Variants in NR3C1 observed in about 807,000 individuals in gnomAD.
NR3C1 encodes the protein glucocorticoid receptor.
Under a neutral mutation model 74.0 loss-of-function variants are expected in NR3C1, and 14 were observed. That is an observed-to-expected ratio of 0.19 (90% confidence interval 0.12 to 0.30). The LOEUF (loss-of-function observed/expected upper bound fraction) is 0.30. Among genes scored for constraint, NR3C1 ranks in the 10% least tolerant of loss-of-function variants. The pLI is 1.00. For missense variants in NR3C1, 695 were observed against 909.8 expected (o/e 0.76, Z 3.04); for synonymous variants, 308 against 332.5 (o/e 0.93, Z 0.80).
chr5:143,370,221 A>T (rs1238678799), intron 2 of NR3C1, among the ~76,000 whole-genome samples: 1 of 152,178 alleles, frequency 6.6e-6, no homozygotes, highest in African/African-American at 2.4e-5. Flanking sequence ...TCAGAAACAC[A>T]TTGAGGGATG....
At chr5:143,432,646 A>G (rs1460431594) in intron 1 of NR3C1, among the ~76,000 whole-genome samples, 1 of 152,254 alleles carries the variant, frequency 6.6e-6, no homozygotes, top group Non-Finnish European at 1.5e-5. Context: ...CAAAGGGGCT[A>G]TTAAAGCGTA....
chr5:143,333,693 A>T (rs1826492335), intron 2 of NR3C1, among the ~76,000 whole-genome samples: 1 of 152,118 alleles, frequency 6.6e-6, no homozygotes, highest in South Asian at 2.1e-4. Flanking sequence ...GCTTGAACCC[A>T]GGAGGCAGAG....
At chr5:143,299,174 C>T (rs997132829) in intron 5 of NR3C1, among the ~76,000 whole-genome samples, 22 of 151,700 alleles carry the variant, frequency 1.5e-4, no homozygotes, top group African/African-American at 2.2e-4. Context: ...CCACCATGCC[C>T]GGCTAATTTT....
chr5:143,403,407 G>A lies in NR3C1; in HGVS notation c.-210C>T. On this transcript the variant is annotated 5_prime_UTR_variant, in exon 1 of 9. Coordinates refer to ENST00000394464, the MANE Select transcript of NR3C1 (RefSeq NM_000176.3). The stretch of plus-strand genomic sequence containing the variant: ...TAAGAAAGTCTCCCATTGCCCAGCT[G>A]ACAAGCCAGCCCTCCGCCCCGCGCC... The A allele has an allele frequency of 1.0e-6, 1 of 985,022 alleles. No individual in the cohort carries two copies. Among genetic ancestry groups the A allele is most frequent in the Non-Finnish European group, 1.2e-6 (1 of 829,870 alleles). 61.0% of individuals were successfully genotyped at this position (985,022 alleles called of 1,614,324 possible). A position where few individuals can be genotyped will look rare whatever the true frequency, so the allele number is the denominator to read the frequency against.
At chr5:143,420,520 C>A (rs1205590473) in intron 1 of NR3C1, among the ~76,000 whole-genome samples, 1 of 152,250 alleles carries the variant, frequency 6.6e-6, no homozygotes, top group Middle Eastern at 3.4e-3. Context: ...CATAGACATG[C>A]TATTAATTAT....
intron 4 of NR3C1, among the ~76,000 whole-genome samples, chr5:143,305,463 G>T (rs1233501376): frequency 1.3e-5 from 2 of 152,106 alleles, no homozygotes; most frequent in Non-Finnish European, 2.9e-5. Context: ...ACTGCAGCAT[G>T]GTTTGCAATA....
chr5:143,427,070 C>T (rs1251611634), intron 1 of NR3C1, among the ~76,000 whole-genome samples: 3 of 152,098 alleles, frequency 2.0e-5, no homozygotes. Context: ...AAAACACTAG[C>T]CCCAATGAAC....
intron 2 of NR3C1, among the ~76,000 whole-genome samples, chr5:143,361,302 T>C (rs1832188439): frequency 6.6e-6 from 1 of 152,106 alleles, no homozygotes. Flanking sequence ...TTTAATAAAA[T>C]TAAAAAAGGA....
chr5:143,337,553 G>GT (rs1055786738), intron 2 of NR3C1, among the ~76,000 whole-genome samples: 9 of 151,786 alleles, frequency 5.9e-5, no homozygotes, highest in African/African-American at 1.7e-4. Flanking sequence ...CATTTTTTTG[G>GT]TTAAATAAAA....
rs1812975812 is a variant in NR3C1, at chr5:143,280,856, C to T, written c.*1033G>A. ...TACAGCTGGTTATCTGGAATCACAA[C>T]TTTTAAGAAGTTATACAAACTACTT... On this transcript the variant is annotated 3_prime_UTR_variant, in exon 9 of 9. Coordinates refer to ENST00000394464, the MANE Select transcript of NR3C1 (RefSeq NM_000176.3). 1.3e-5 allele frequency: 2 copies of T among 152,168 alleles called. No homozygotes were observed. The highest frequency in any genetic ancestry group is 2.9e-5 in the Non-Finnish European group (2 of 68,022). The allele number at this position is 152,168 out of a possible 1,614,324, so 9.4% of individuals were successfully genotyped here.
At chr5:143,376,486 A>C (rs1835215753) in intron 2 of NR3C1, among the ~76,000 whole-genome samples, 1 of 152,206 alleles carries the variant, frequency 6.6e-6, no homozygotes, top group South Asian at 2.1e-4. Context: ...CCTCAGGAGA[A>C]AGTCAGGTAG....
intron 2 of NR3C1, among the ~76,000 whole-genome samples, chr5:143,357,580 GCTC>G (rs1348964762): frequency 2.0e-5 from 3 of 152,146 alleles, no homozygotes; most frequent in Admixed American, 2.0e-4. Context: ...GGAATGCCAT[GCTC>G]CCTTTCTCTT....
At chr5:143,360,697 C>T (rs1464962824) in intron 2 of NR3C1, among the ~76,000 whole-genome samples, 1 of 152,136 alleles carries the variant, frequency 6.6e-6, no homozygotes, top group African/African-American at 2.4e-5. Flanking sequence ...CTTTGTCTTA[C>T]CTATAACACT....
chr5:143,387,072 A>G (rs1424848307), intron 2 of NR3C1, among the ~76,000 whole-genome samples: 1 of 152,220 alleles, frequency 6.6e-6, no homozygotes, highest in Non-Finnish European at 1.5e-5. Context: ...AGAAACAATT[A>G]GGAGACTATT....
At chr5:143,347,684 T>C (rs1368076242) in intron 2 of NR3C1, among the ~76,000 whole-genome samples, 1 of 152,234 alleles carries the variant, frequency 6.6e-6, no homozygotes, top group African/African-American at 2.4e-5. Flanking sequence ...ATTCTCATTG[T>C]AGAAATTTAG....
intron 2 of NR3C1, among the ~76,000 whole-genome samples, chr5:143,319,817 G>GACCA (rs1822969672): frequency 6.6e-6 from 1 of 151,676 alleles, no homozygotes; most frequent in South Asian, 2.1e-4. Context: ...AAAAAAAAGG[G>GACCA]ACCAGAAACA....
chr5:143,402,488 G>A (rs2151946019), intron 1 of NR3C1: 1 of 580,020 alleles, frequency 1.7e-6, no homozygotes, highest in South Asian at 7.5e-5. Context: ...TCTAAAAGGG[G>A]CCACTTAGAA....
At chr5:143,434,936 A>G in exon 1 of NR3C1, 1 of 985,440 alleles carries the variant, frequency 1.0e-6, no homozygotes, top group Non-Finnish European at 1.2e-6. Flanking sequence ...TCAGATCAGA[A>G]GATCCTGTCT....
chr5:143,338,743 AT>A (rs1349804337), intron 2 of NR3C1, among the ~76,000 whole-genome samples: 1 of 152,194 alleles, frequency 6.6e-6, no homozygotes, highest in African/African-American at 2.4e-5. Flanking sequence ...TTAATTTATT[AT>A]TGAAGAAAAT....
Sources: allele counts gnomAD v4.1 joint callset (sites outside exome capture counted in the v4.1 genomes callset), GRCh38; gene constraint gnomAD v4.1.1; transcripts MANE v1.5; gene names NCBI Gene and HGNC (gene_info 2026-07-23, HGNC 2026-07-21).